Variants in GNG7 observed in about 807,000 individuals in gnomAD.
GNG7 encodes the protein G protein subunit gamma 7.
GNG7 carries 1 observed loss-of-function variant against 4.0 expected under a neutral mutation model. The observed-to-expected ratio is 0.25, with a 90% CI of 0.09 to 1.18. GNG7 has a LOEUF of 1.18. Among genes scored for constraint, GNG7 ranks in the 50% most tolerant of loss-of-function variants. The pLI, the probability that GNG7 is intolerant of heterozygous loss-of-function variation, is 0.50. For missense variants in GNG7, 86 were observed against 91.9 expected (o/e 0.94, Z 0.26); for synonymous variants, 34 against 36.9 (o/e 0.92, Z 0.29).
intron 1 of GNG7, among the ~76,000 whole-genome samples, chr19:2,671,790 T>TA (rs1409074506): frequency 4.6e-5 from 7 of 151,992 alleles, no homozygotes; most frequent in Non-Finnish European, 5.9e-5. Context: ...TATTTTATTT[T>TA]TTTTTAAGAT....
At position 2,563,422 on chromosome 19, in the gene GNG7, C is replaced by T. The variant is rs1363890513; in HGVS notation, c.-77-8234G>A. ...CGTAGTCGTGACTACCAGAAATGTC[C>T]CCACATTCTACTCAGGATCCTAAGA... On this transcript the variant is annotated intron_variant, in intron 2 of 4. Coordinates refer to ENST00000382159, the MANE Select transcript of GNG7 (RefSeq NM_052847.3). Among the ~76,000 whole-genome samples the T allele has an allele frequency of 2.0e-5, 3 of 152,162 alleles. No homozygotes were observed. In the East Asian group the frequency reaches 5.8e-4, roughly 29 times the overall value.
chr19:2,640,133 G>C (rs1324843639), intron 2 of GNG7, among the ~76,000 whole-genome samples: 5 of 105,666 alleles, frequency 4.7e-5, no homozygotes, highest in Non-Finnish European at 9.9e-5. Context: ...AGGAGGGAGG[G>C]AGGAGGGAGG....
intron 2 of GNG7, among the ~76,000 whole-genome samples, chr19:2,637,475 C>A (rs1194182412): frequency 6.6e-6 from 1 of 152,152 alleles, no homozygotes; most frequent in East Asian, 1.9e-4. Flanking sequence ...AGCTTCCCAC[C>A]CTGTGCCCGC....
chr19:2,525,971 A>ATTGTTTTTTTT (rs1978380431), intron 3 of GNG7, among the ~76,000 whole-genome samples: 1 of 75,684 alleles, frequency 1.3e-5, no homozygotes, highest in Admixed American at 1.9e-4. Flanking sequence ...CTCCACGCCA[A>ATTGTTTTTTTT]TTTTTTTTTT....
Position 2,512,219 on chromosome 19 carries a change from C to T in GNG7, c.*2803G>A, listed in dbSNP as rs1043316404. ...CCCGTCTGGAGGTGCACGCGCGCTC[C>T]TGGAAACGCCCATAAAACATGCGTT... On this transcript the variant is annotated 3_prime_UTR_variant, in exon 5 of 5. Coordinates refer to ENST00000382159, the MANE Select transcript of GNG7 (RefSeq NM_052847.3). This position sits in a 1 kb window ranked among gnomAD's most constrained non-coding sequence, Gnocchi z 4.7. 1.0e-6 allele frequency: 1 copy of T among 985,900 alleles called. No individual in the cohort carries two copies. Among genetic ancestry groups the T allele is most frequent in the Non-Finnish European group, 1.2e-6 (1 of 829,956 alleles). The allele number at this position is 985,900 out of a possible 1,614,324, so 61.1% of individuals were successfully genotyped here.
chr19:2,651,561 C>G (rs1354897553), intron 1 of GNG7, among the ~76,000 whole-genome samples: 1 of 146,292 alleles, frequency 6.8e-6, no homozygotes, highest in East Asian at 2.0e-4. Flanking sequence ...CCCTTTCTCT[C>G]TCTCTCTCTC....
chr19:2,580,367 T>C (rs1303299093), intron 2 of GNG7, among the ~76,000 whole-genome samples: 1 of 150,766 alleles, frequency 6.6e-6, no homozygotes, highest in African/African-American at 2.4e-5. Flanking sequence ...CTCGGCTCAC[T>C]GCAACCTCCG....
intron 3 of GNG7, among the ~76,000 whole-genome samples, chr19:2,542,532 G>C (rs1286330140): frequency 6.6e-6 from 1 of 152,180 alleles, no homozygotes; most frequent in Non-Finnish European, 1.5e-5. Flanking sequence ...GAATGAGCTG[G>C]GGACGACAAC....
intron 3 of GNG7, among the ~76,000 whole-genome samples, chr19:2,524,197 C>T (rs1355718777): frequency 6.6e-6 from 1 of 152,254 alleles, no homozygotes; most frequent in Non-Finnish European, 1.5e-5. Flanking sequence ...GCAGCCACCG[C>T]CCGCAATTTC....
intron 1 of GNG7, among the ~76,000 whole-genome samples, chr19:2,647,001 C>T (rs967217978): frequency 1.3e-5 from 2 of 152,200 alleles, no homozygotes; most frequent in Non-Finnish European, 2.9e-5. Context: ...TGGGAAGTCC[C>T]TCAGCCCCAG....
At chr19:2,591,806 T>C (rs1247757625) in intron 2 of GNG7, among the ~76,000 whole-genome samples, 5 of 152,266 alleles carry the variant, frequency 3.3e-5, no homozygotes, top group Non-Finnish European at 5.9e-5. Context: ...AGTGCAAAGA[T>C]ACTAACAATC....
At chr19:2,547,460 G>A (rs1317969964) in intron 3 of GNG7, among the ~76,000 whole-genome samples, 1 of 151,788 alleles carries the variant, frequency 6.6e-6, no homozygotes, top group Admixed American at 6.6e-5. Context: ...GTCTCTCTCT[G>A]ACTCTCACCC....
chr19:2,643,855 G>A, intron 2 of GNG7: 5 of 349,240 alleles, frequency 1.4e-5, no homozygotes, highest in South Asian at 1.1e-4. Context: ...GAGCTGCCCC[G>A]ATCCCAACCC....
chr19:2,568,252 C>T (rs545209864), intron 2 of GNG7, among the ~76,000 whole-genome samples: 11 of 151,346 alleles, frequency 7.3e-5, no homozygotes, highest in African/African-American at 2.7e-4. Flanking sequence ...CACATATAGA[C>T]ATACACACAT....
chr19:2,532,496 G>A (rs769478186), intron 3 of GNG7, among the ~76,000 whole-genome samples: 11 of 152,182 alleles, frequency 7.2e-5, no homozygotes, highest in African/African-American at 1.2e-4. Context: ...ATGCAGTGAC[G>A]TCTAATATAC....
In GNG7 at chr19:2,515,064, C is replaced by T. The variant is rs770566550; in HGVS notation, c.165G>A (p.Ser55=). 12 of 1,613,702 alleles carry T rather than the reference C, an allele frequency of 7.4e-6. No individual in the cohort carries two copies. Among genetic ancestry groups the T allele is most frequent in the Admixed American group, 3.3e-5 (2 of 59,958 alleles). The change falls in exon 5 of 5, where the codon TCG becomes TCA. Residue 55 remains serine, a synonymous_variant. Coordinates refer to ENST00000382159, the MANE Select transcript of GNG7 (RefSeq NM_052847.3). ...NDPLLVGVPA[S]ENPFKDKKPC... is the part of the protein sequence containing the mutation. ...GTTTCTTGTCCTTAAAGGGGTTCTC[C>T]GAGGCAGGGACTCCGACCAGCAGGG... is the stretch of plus-strand genomic sequence containing the variant.
chr19:2,652,417 C>G (rs1170234763), intron 1 of GNG7, among the ~76,000 whole-genome samples: 4 of 151,570 alleles, frequency 2.6e-5, no homozygotes, highest in Non-Finnish European at 5.9e-5. Context: ...GTTGGGAGTT[C>G]AAGACCAGCC....
intron 2 of GNG7, among the ~76,000 whole-genome samples, chr19:2,641,506 G>T (rs1982505968): frequency 6.6e-6 from 1 of 152,132 alleles, no homozygotes; most frequent in African/African-American, 2.4e-5. Flanking sequence ...TGTGAAGGGG[G>T]AGGAGGGGGC....
Position 2,563,186 on chromosome 19 carries a change from G to A in GNG7, c.-77-7998C>T, listed in dbSNP as rs182673534. Among the ~76,000 whole-genome samples the A allele has an allele frequency of 2.5e-3, 380 of 152,102 alleles. 5 individuals carry two copies. Among genetic ancestry groups the A allele is most frequent in the African/African-American group, 8.3e-3 (343 of 41,500 alleles). ...GATGGTCTCGATCTCCTGACCTCGC[G>A]ATCCACCTGCCTCAGCCTCCCAAAG... On this transcript the variant is annotated intron_variant, in intron 2 of 4. Coordinates refer to ENST00000382159, the MANE Select transcript of GNG7 (RefSeq NM_052847.3).
Sources: allele counts gnomAD v4.1 joint callset (sites outside exome capture counted in the v4.1 genomes callset), GRCh38; gene constraint gnomAD v4.1.1; non-coding constraint Gnocchi (gnomAD v3.1); transcripts MANE v1.5; gene names NCBI Gene and HGNC (gene_info 2026-07-23, HGNC 2026-07-21).